Variants in CERS3 observed in about 807,000 individuals in gnomAD.
CERS3 encodes ceramide synthase 3, also known as LAG1 homolog, ceramide synthase 3.
CERS3 carries 33 observed loss-of-function variants against 50.3 expected under a neutral mutation model. The ratio of observed to expected loss-of-function variants is 0.66; its 90% CI spans 0.50 to 0.88. The LOEUF is 0.88. CERS3 is among the 40% of genes least tolerant of loss of function. The probability of loss-of-function intolerance (pLI) is 0.00; values close to 1 mark genes in which losing one functional copy is unlikely to be tolerated. For synonymous variants in CERS3, 176 were observed against 155.2 expected (o/e 1.13, Z -0.99); for missense variants, 470 against 460.3 (o/e 1.02, Z -0.19).
chr15:100,444,604 C>T (rs950698678), intron 11 of CERS3, among the ~76,000 whole-genome samples: 7 of 152,166 alleles, frequency 4.6e-5, no homozygotes, highest in Non-Finnish European at 8.8e-5. Flanking sequence ...GAAATCTATC[C>T]TCAAGGAAAT....
chr15:100,445,163 C>T (rs530155136), intron 11 of CERS3, among the ~76,000 whole-genome samples: 1 of 151,256 alleles, frequency 6.6e-6, no homozygotes, highest in South Asian at 2.1e-4. Flanking sequence ...CCTGTATAGA[C>T]GCTCCTTTTT....
At chr15:100,477,679 G>A (rs2035175218) in intron 7 of CERS3, among the ~76,000 whole-genome samples, 1 of 152,138 alleles carries the variant, frequency 6.6e-6, no homozygotes, top group African/African-American at 2.4e-5. Context: ...CAGTTTATAA[G>A]CAGTATGGAG....
At chr15:100,502,267 A>AAAAAAAAAAAAAAAAG (rs2036033219) in intron 2 of CERS3, among the ~76,000 whole-genome samples, 24 of 109,254 alleles carry the variant, frequency 2.2e-4, no homozygotes, top group South Asian at 3.1e-4. Context: ...AAAAAAAAAA[A>AAAAAAAAAAAAAAAAG]AAAGAAAGAA....
chr15:100,526,228 T>G (rs1172303708), intron 1 of CERS3, among the ~76,000 whole-genome samples: 2 of 152,196 alleles, frequency 1.3e-5, no homozygotes, highest in African/African-American at 4.8e-5. Flanking sequence ...CTTATAAAGG[T>G]GTACACCTGC....
chr15:100,410,704 TG>T (rs1188132930), intron 11 of CERS3, among the ~76,000 whole-genome samples: 1 of 152,228 alleles, frequency 6.6e-6, no homozygotes, highest in African/African-American at 2.4e-5. Flanking sequence ...TAACTTTGTC[TG>T]GTATCAAATT....
At chr15:100,465,467 C>T (rs767259964) in intron 10 of CERS3, among the ~76,000 whole-genome samples, 1 of 132,684 alleles carries the variant, frequency 7.5e-6, no homozygotes, top group Non-Finnish European at 1.7e-5. Context: ...ACCATTTAAA[C>T]TAGAGCAGTA....
intron 2 of CERS3, chr15:100,503,859 C>A (rs1225504351): frequency 2.4e-6 from 1 of 421,528 alleles, no homozygotes; most frequent in Non-Finnish European, 4.8e-6. Flanking sequence ...CTGTGGGATG[C>A]AAATCGGGTA....
At chr15:100,529,751 A>G (rs2036892566), upstream of CERS3, among the ~76,000 whole-genome samples, 1 of 152,224 alleles carries the variant, frequency 6.6e-6, no homozygotes, top group Non-Finnish European at 1.5e-5. Flanking sequence ...ACAAGTAGAG[A>G]GCTTCAACAA....
At position 100,401,439 on chromosome 15, in the gene CERS3, G is replaced by C. The variant is rs2030523093; in HGVS notation, c.*1274C>G. ...GTCTTCTCCGGTGCTCCCTTCCGGAGGGTGAGGACAAGCTGGCTACTGATC... is the reference window on the plus strand; with the variant it reads ...GTCTTCTCCGGTGCTCCCTTCCGGACGGTGAGGACAAGCTGGCTACTGATC... On this transcript the variant is annotated 3_prime_UTR_variant, in exon 12 of 12. Transcript: ENST00000679737. 1.3e-5 allele frequency: 2 copies of C among 152,292 alleles called. No individual in the cohort carries two copies. The highest frequency in any genetic ancestry group is 1.3e-4 in the Admixed American group (2 of 15,290). 9.4% of individuals were successfully genotyped at this position (152,292 alleles called of 1,614,324 possible).
chr15:100,457,173 C>G (rs960268190), intron 10 of CERS3, among the ~76,000 whole-genome samples: 1 of 152,028 alleles, frequency 6.6e-6, no homozygotes, highest in African/African-American at 2.4e-5. Context: ...CAGTATTTTC[C>G]TATACAATTT....
At chr15:100,521,125 C>T (rs28473263) in intron 2 of CERS3, among the ~76,000 whole-genome samples, 16,151 of 152,136 alleles carry the variant, frequency 0.11, 933 homozygotes, top group Middle Eastern at 0.15. Flanking sequence ...TAGGCATTAA[C>T]GGTAAAAGTG....
intron 11 of CERS3, among the ~76,000 whole-genome samples, chr15:100,445,112 G>C (rs1279231016): frequency 4.4e-5 from 2 of 45,432 alleles, no homozygotes; most frequent in Non-Finnish European, 1.4e-4. Context: ...CAGAATTCAG[G>C]CCTGTCCTTG....
intron 10 of CERS3, among the ~76,000 whole-genome samples, chr15:100,467,808 C>CAA (rs2034807995): frequency 1.0e-5 from 1 of 95,574 alleles, no homozygotes. Context: ...TATATATATA[C>CAA]GTCTATATAT....
chr15:100,430,686 AAGC>A (rs1456087176), intron 11 of CERS3, among the ~76,000 whole-genome samples: 3 of 152,066 alleles, frequency 2.0e-5, no homozygotes, highest in Admixed American at 6.6e-5. Context: ...GCTGTTTTGA[AAGC>A]AAATTTTTAG....
rs111323222 is a variant in CERS3, at chr15:100,511,028, C to T, written c.-1-9178G>A. Reference sequence around the variant, plus strand: ...TAAGGTCGGGCACGGTAACTCACGCCTCTAATCCCAGCACTTTGGGAGGCT... The same window carrying T: ...TAAGGTCGGGCACGGTAACTCACGCTTCTAATCCCAGCACTTTGGGAGGCT... On this transcript the variant is annotated intron_variant, in intron 2 of 11. Coordinates refer to ENST00000679737, the MANE Select transcript of CERS3 (RefSeq NM_001378789.1). 8.5e-3 allele frequency among the ~76,000 whole-genome samples: 1,302 copies of T among 152,310 alleles called. 23 individuals are homozygous for T. The highest frequency in any genetic ancestry group is 0.03 in the African/African-American group (1,227 of 41,558).
intron 4 of CERS3, 49 bp downstream of exon 4, chr15:100,490,768 C>G: frequency 8.9e-7 from 1 of 1,126,176 alleles, no homozygotes; most frequent in Non-Finnish European, 1.4e-6. Flanking sequence ...ATAATTGAAC[C>G]ATTAAGAAAG....
chr15:100,520,502 G>A (rs1415806138), intron 2 of CERS3, among the ~76,000 whole-genome samples: 2 of 152,156 alleles, frequency 1.3e-5, no homozygotes, highest in Non-Finnish European at 1.5e-5. Flanking sequence ...CCGCTGAACT[G>A]CTCCTTCTCA....
At chr15:100,467,850 T>TATATATAGATAGATAGATAG (rs145899470) in intron 10 of CERS3, among the ~76,000 whole-genome samples, 6 of 93,138 alleles carry the variant, frequency 6.4e-5, no homozygotes, top group South Asian at 3.4e-4. Context: ...TATATATATA[T>TATATATAGATAGATAGATAG]ATAGATAGAT....
chr15:100,410,448 G>A (rs994061874), intron 11 of CERS3, among the ~76,000 whole-genome samples: 14 of 152,170 alleles, frequency 9.2e-5, no homozygotes, highest in African/African-American at 3.4e-4. Context: ...AGGAGAAACT[G>A]AAAACCCTGA....
Sources: gnomAD v4.1 joint callset for allele counts (sites outside exome capture counted in the v4.1 genomes callset) on GRCh38, gnomAD v4.1.1 for gene constraint, MANE v1.5 for transcripts, NCBI Gene and HGNC (gene_info 2026-07-23, HGNC 2026-07-21) for gene names.